PHACTR4: variants seen among roughly 807,000 people sequenced by gnomAD.
PHACTR4 encodes the protein phosphatase and actin regulator 4, also known as protein phosphatase 1, regulatory subunit 124.
Under a neutral mutation model 72.7 loss-of-function variants are expected in PHACTR4, and 51 were observed. The observed-to-expected ratio is 0.70, with a 90% CI of 0.56 to 0.89. PHACTR4 has a LOEUF of 0.89. Among genes scored for constraint, PHACTR4 ranks in the 40% least tolerant of loss-of-function variants. The pLI is 0.00. For missense variants in PHACTR4, 731 were observed against 861.8 expected (o/e 0.85, Z 1.90); for synonymous variants, 255 against 302.5 (o/e 0.84, Z 1.63).
rs139231834 is a variant in PHACTR4 at position 28,407,244 on chromosome 1, G to A, written c.-38-166G>A. Among the ~76,000 whole-genome samples the A allele has an allele frequency of 7.0e-3, 828 of 118,508 alleles. 5 individuals are homozygous for A. Among genetic ancestry groups the A allele is most frequent in the Non-Finnish European group, 0.01 (607 of 59,526 alleles). 77.7% of individuals were successfully genotyped at this position (118,508 alleles called of 152,430 possible). ...AGTCTGGGCAACATAAGGAGATCCT[G>A]TCTCAAAAAAAAAAAAAAAACTATC... On this transcript the variant is annotated intron_variant, in intron 1 of 13. Transcript: ENST00000373839.
intron 12 of PHACTR4, 29 bp downstream of exon 12, chr1:28,491,816 TTC>T (rs1385344184): frequency 1.9e-6 from 3 of 1,598,556 alleles, no homozygotes; most frequent in East Asian, 2.2e-5. Flanking sequence ...CTTGCTTTTT[TTC>T]TCTTTCTCTT....
At chr1:28,447,821 T>C (rs1657591678) in intron 2 of PHACTR4, among the ~76,000 whole-genome samples, 1 of 152,146 alleles carries the variant, frequency 6.6e-6, no homozygotes, top group Non-Finnish European at 1.5e-5. Context: ...CACCTGACTA[T>C]CTTCTCCTGA....
chr1:28,439,767 T>A lies in PHACTR4; in HGVS notation c.17-19318T>A, dbSNP rs555747011. Among the ~76,000 whole-genome samples the A allele has an allele frequency of 8.5e-5, 13 of 152,340 alleles. No homozygotes were observed. The Middle Eastern group carries it at 0.01, about 120-fold the overall frequency. ...ACATTTTGCTTCTTTGTTTCCAGAA[T>A]TAAACACTCTCCTATATTTGATAAA... On this transcript the variant is annotated intron_variant, in intron 2 of 13. Transcript: ENST00000373839.
chr1:28,404,275 CCTTTTT>C (rs1322174722), intron 1 of PHACTR4, among the ~76,000 whole-genome samples: 1 of 123,014 alleles, frequency 8.1e-6, no homozygotes, highest in Non-Finnish European at 1.6e-5. Context: ...GTATGAACAT[CCTTTTT>C]TTTTTTTTTT....
At chr1:28,476,768 T>G (rs1250442714) in intron 8 of PHACTR4, among the ~76,000 whole-genome samples, 1 of 129,418 alleles carries the variant, frequency 7.7e-6, no homozygotes, top group Non-Finnish European at 1.6e-5. Context: ...TTGCCTAGCC[T>G]GTTCTTTTTT....
intron 2 of PHACTR4, among the ~76,000 whole-genome samples, chr1:28,407,792 A>C (rs1178775566): frequency 6.6e-6 from 1 of 152,232 alleles, no homozygotes; most frequent in Non-Finnish European, 1.5e-5. Context: ...AAAAATCAAG[A>C]ACCATTTGAC....
chr1:28,408,339 C>T (rs761948891), intron 2 of PHACTR4, among the ~76,000 whole-genome samples: 2 of 152,134 alleles, frequency 1.3e-5, no homozygotes, highest in Admixed American at 6.5e-5. Flanking sequence ...ATGGGCAGAT[C>T]ACTTGAGGTC....
At chr1:28,422,508 T>C (rs1235732839) in intron 2 of PHACTR4, 1 of 152,220 alleles carries the variant, frequency 6.6e-6, no homozygotes, top group African/African-American at 2.4e-5. Flanking sequence ...CCCCCTTGGA[T>C]ACTGAAGGAT....
chr1:28,403,877 C>T (rs767959108), intron 1 of PHACTR4, among the ~76,000 whole-genome samples: 2 of 152,262 alleles, frequency 1.3e-5, no homozygotes, highest in Admixed American at 6.5e-5. Flanking sequence ...GTGTTTTAAA[C>T]GTTTATCCAT....
intron 10 of PHACTR4, 21 bp from the exon 11 acceptor site, chr1:28,490,930 C>T (rs747112906): frequency 7.5e-6 from 12 of 1,607,872 alleles, no homozygotes; most frequent in Middle Eastern, 1.6e-4. Context: ...AATATTCCTT[C>T]CTTCTGATTG....
At position 28,473,975 on chromosome 1, in the gene PHACTR4, C is replaced by CCCACTGCATATTCGAAT; in HGVS notation, c.1249_1265dup (p.Gln422HisfsTer16). ...ATATACCCTCTAGGCTGCCTCCACT[C>CCCACTGCATATTCGAAT]CCACTGCATATTCGAATCCAGCAGG... On this transcript the variant is annotated frameshift_variant, in exon 7 of 14. Transcript: ENST00000373839. LOFTEE classifies it high-confidence loss of function. 6 of 1,614,176 alleles carry CCCACTGCATATTCGAAT rather than the reference C, an allele frequency of 3.7e-6. No individual in the cohort carries two copies. The highest frequency in any genetic ancestry group is 5.1e-6 in the Non-Finnish European group (6 of 1,180,024).
intron 1 of PHACTR4, among the ~76,000 whole-genome samples, chr1:28,394,660 G>A (rs1170826435): frequency 2.7e-5 from 4 of 150,890 alleles, no homozygotes; most frequent in Non-Finnish European, 2.9e-5. Context: ...GCAGTGGCAC[G>A]ATCTCGGCTC....
intron 8 of PHACTR4, among the ~76,000 whole-genome samples, chr1:28,480,112 CTA>C (rs1384343660): frequency 1.3e-5 from 2 of 152,190 alleles, no homozygotes; most frequent in East Asian, 3.8e-4. Context: ...AACAGATAGA[CTA>C]TGAGGTGTTA....
At chr1:28,478,622 GT>G (rs1335069214) in intron 8 of PHACTR4, among the ~76,000 whole-genome samples, 1 of 151,828 alleles carries the variant, frequency 6.6e-6, no homozygotes, top group South Asian at 2.1e-4. Flanking sequence ...TTTTGTTTTT[GT>G]TTTTGTTTTT....
chr1:28,479,838 A>G (rs1660169153), intron 8 of PHACTR4, among the ~76,000 whole-genome samples: 1 of 152,198 alleles, frequency 6.6e-6, no homozygotes, highest in South Asian at 2.1e-4. Context: ...GGTTGCAATG[A>G]GCTGAAATCG....
chr1:28,431,529 A>G (rs1433327518), intron 2 of PHACTR4, among the ~76,000 whole-genome samples: 2 of 151,844 alleles, frequency 1.3e-5, no homozygotes, highest in Non-Finnish European at 2.9e-5. Flanking sequence ...TAAAACACCA[A>G]ACACCACATT....
intron 2 of PHACTR4, among the ~76,000 whole-genome samples, chr1:28,413,144 CTT>C (rs1175877579): frequency 2.0e-5 from 3 of 152,196 alleles, no homozygotes; most frequent in East Asian, 1.9e-4. Context: ...GTTAAAGAAA[CTT>C]TTGTGGAGCG....
chr1:28,496,434 G>A, intron 13 of PHACTR4, 100 bp from the exon 14 acceptor site: 1 of 1,306,220 alleles, frequency 7.7e-7, no homozygotes, highest in Non-Finnish European at 1.1e-6. Context: ...GCAGAGGAAA[G>A]GCAGTGTTAA....
chr1:28,490,058 G>A (rs1044553161), intron 10 of PHACTR4, among the ~76,000 whole-genome samples: 4 of 152,098 alleles, frequency 2.6e-5, no homozygotes, highest in Admixed American at 2.0e-4. Flanking sequence ...TTTGGGTTTT[G>A]CAGGCCAAAA....
Sources: gnomAD v4.1 joint callset for allele counts (sites outside exome capture counted in the v4.1 genomes callset) on GRCh38, gnomAD v4.1.1 for gene constraint, MANE v1.5 for transcripts, NCBI Gene and HGNC (gene_info 2026-07-23, HGNC 2026-07-21) for gene names.